Variants in SEMA4A observed in about 807,000 individuals in gnomAD.
The protein encoded by SEMA4A is semaphorin-4A.
SEMA4A carries 52 observed loss-of-function variants against 72.5 expected under a neutral mutation model. The observed-to-expected ratio is 0.72, with a 90% confidence interval of 0.57 to 0.90. The LOEUF (loss-of-function observed/expected upper bound fraction) is 0.90, where lower values mean the gene tolerates loss of function less well. Among genes scored for constraint, SEMA4A ranks in the 40% least tolerant of loss-of-function variants. The pLI is 0.00. For missense variants in SEMA4A, 926 were observed against 959.7 expected (o/e 0.96, Z 0.46); for synonymous variants, 369 against 393.1 (o/e 0.94, Z 0.73).
intron 14 of SEMA4A, 91 bp from the exon 15 acceptor site, chr1:156,176,314 G>T: frequency 1.0e-6 from 1 of 991,724 alleles, no homozygotes. Context: ...AAAAAAAAGA[G>T]GGCTGGGGTC....
Position 156,154,565 on chromosome 1 carries a change from G to A in SEMA4A, c.-14G>A, listed in dbSNP as rs776402889. 16 of 1,607,736 alleles carry A rather than the reference G, an allele frequency of 1.0e-5. No homozygotes were observed. Among genetic ancestry groups the A allele is most frequent in the Non-Finnish European group, 7.6e-6 (9 of 1,179,016 alleles). On this transcript the variant is annotated 5_prime_UTR_variant, in exon 2 of 15. Coordinates refer to ENST00000368285, the MANE Select transcript of SEMA4A (RefSeq NM_022367.4). ...GTTTCCCCAGAGCTCCCTGGTGACA[G>A]TCTGTGGCTGAGCATGGCCCTCCCA...
intron 10 of SEMA4A, among the ~76,000 whole-genome samples, chr1:156,165,419 A>G (rs1654064247): frequency 6.6e-6 from 1 of 151,958 alleles, no homozygotes; most frequent in Admixed American, 6.6e-5. Context: ...AGATTCCTGG[A>G]AAAGGATACA....
At position 156,157,017 on chromosome 1, in the gene SEMA4A, C is replaced by T. The variant is rs930562640; in HGVS notation, c.300+443C>T. Among the ~76,000 whole-genome samples the T allele has an allele frequency of 4.6e-5, 7 of 152,200 alleles. No homozygotes were observed. The highest frequency in any genetic ancestry group is 1.7e-4 in the African/African-American group (7 of 41,550). ...AAAGAGTTGGGATTACAGGCGTGAG[C>T]CACCGCACCCGGCCTGTGACTTCAC... On this transcript the variant is annotated intron_variant, in intron 3 of 14. Coordinates refer to ENST00000368285, the MANE Select transcript of SEMA4A (RefSeq NM_022367.4). The surrounding 1 kb of genome is among the most constrained non-coding windows in gnomAD (Gnocchi z 4.5).
upstream of SEMA4A, among the ~76,000 whole-genome samples, chr1:156,149,332 T>C (rs1182114070): frequency 3.3e-5 from 5 of 152,206 alleles, no homozygotes; most frequent in South Asian, 1.0e-3. Flanking sequence ...TGGAAAGTCC[T>C]GTCTGAAGTC....
At chr1:156,154,840 T>C in intron 2 of SEMA4A, 123 bp downstream of exon 2, 6 of 1,169,638 alleles carry the variant, frequency 5.1e-6, no homozygotes, top group Non-Finnish European at 7.1e-6. Context: ...CAGAGAGAGA[T>C]GCCAGGGAGA....
At chr1:156,169,628 GC>G (rs1157240096) in intron 10 of SEMA4A, among the ~76,000 whole-genome samples, 1 of 150,230 alleles carries the variant, frequency 6.7e-6, no homozygotes, top group Non-Finnish European at 1.5e-5. Context: ...CACTGTGTTA[GC>G]CAGGATGGTC....
Position 156,157,066 on chromosome 1 carries a change from G to T in SEMA4A, c.300+492G>T, listed in dbSNP as rs998046300. Among the ~76,000 whole-genome samples, 1 of 152,092 alleles carries T rather than the reference G, an allele frequency of 6.6e-6. No homozygotes were observed. Among genetic ancestry groups the T allele is most frequent in the Non-Finnish European group, 1.5e-5 (1 of 68,020 alleles). On this transcript the variant is annotated intron_variant, in intron 3 of 14. Transcript: ENST00000368285. The surrounding 1 kb of genome is among the most constrained non-coding windows in gnomAD (Gnocchi z 4.5). ...ACTCTTCACTGGTATTGTGAATAGT[G>T]ATTGAATAATATTAATTGCAAAAAT...
chr1:156,175,859 G>C (rs906367929), intron 14 of SEMA4A, among the ~76,000 whole-genome samples: 27 of 152,216 alleles, frequency 1.8e-4, no homozygotes, highest in African/African-American at 6.5e-4. Flanking sequence ...ATTCAGGATT[G>C]AGGTTGCAGT....
At chr1:156,170,757 A>G (rs930771444) in intron 10 of SEMA4A, among the ~76,000 whole-genome samples, 20 of 151,136 alleles carry the variant, frequency 1.3e-4, no homozygotes, top group Non-Finnish European at 2.5e-4. Flanking sequence ...CCGTCTCAAA[A>G]AAAAAAAAAA....
intron 4 of SEMA4A, 102 bp downstream of exon 4, chr1:156,158,234 G>A: frequency 6.7e-6 from 9 of 1,338,274 alleles, no homozygotes; most frequent in South Asian, 1.2e-5. Context: ...GAGGGCACTT[G>A]TTTGCACGGT....
chr1:156,163,199 A>AC lies in SEMA4A; in HGVS notation c.1134+109dup, dbSNP rs79906447. On this transcript the variant is annotated intron_variant, in intron 10 of 14. Coordinates refer to ENST00000368285, the MANE Select transcript of SEMA4A (RefSeq NM_022367.4). ...TGCCCAATAAATGTTAGTGCTCTCC[A>AC]CCCCACCAATCTCGCCTGCTCAGAC... 399 of 1,313,744 alleles carry AC rather than the reference A, an allele frequency of 3.0e-4. 5 individuals carry two copies. In the East Asian group the frequency reaches 7.9e-3, roughly 26 times the overall value. 81.4% of individuals were successfully genotyped at this position (1,313,744 alleles called of 1,614,324 possible).
chr1:156,174,800 C>T (rs1434014615), intron 11 of SEMA4A, 22 bp from the exon 12 acceptor site: 1 of 1,614,020 alleles, frequency 6.2e-7, no homozygotes, highest in African/African-American at 1.3e-5. Context: ...AGATGACTTC[C>T]ACTCTCTCTG....
intron 6 of SEMA4A, among the ~76,000 whole-genome samples, chr1:156,159,607 G>C (rs752818503): frequency 6.6e-6 from 1 of 151,970 alleles, no homozygotes; most frequent in African/African-American, 2.4e-5. Flanking sequence ...GGTAGTATAG[G>C]AGTTATAAAC....
chr1:156,161,882 G>T (rs1435221264), intron 9 of SEMA4A, among the ~76,000 whole-genome samples: 2 of 152,196 alleles, frequency 1.3e-5, no homozygotes, highest in Non-Finnish European at 1.5e-5. Context: ...TAAGATGTAG[G>T]ATAGTCCCTG....
chr1:156,172,760 C>T lies in SEMA4A; in HGVS notation c.1135-66C>T, dbSNP rs190126157. ...GAGGGGGTAAAGGGAGAAGAGCAGGCGTTGGAGGGAGGGTGAGCTGAGGGG... is the reference window on the plus strand; with the variant it reads ...GAGGGGGTAAAGGGAGAAGAGCAGGTGTTGGAGGGAGGGTGAGCTGAGGGG... On this transcript the variant is annotated intron_variant, in intron 10 of 14. Coordinates refer to ENST00000368285, the MANE Select transcript of SEMA4A (RefSeq NM_022367.4). 8.7e-4 allele frequency: 1,223 copies of T among 1,405,226 alleles called. 10 individuals carry two copies. Among genetic ancestry groups the T allele is most frequent in the African/African-American group, 8.2e-3 (583 of 70,762 alleles). The allele number at this position is 1,405,226 out of a possible 1,614,324, so 87.0% of individuals were successfully genotyped here. A position where few individuals can be genotyped will look rare whatever the true frequency, so the allele number is the denominator to read the frequency against.
chr1:156,166,223 A>C (rs959582024), intron 10 of SEMA4A, among the ~76,000 whole-genome samples: 1 of 151,810 alleles, frequency 6.6e-6, no homozygotes, highest in Non-Finnish European at 1.5e-5. Flanking sequence ...TGGTATTTTT[A>C]GTAGAAACTA....
upstream of SEMA4A, among the ~76,000 whole-genome samples, chr1:156,151,838 CAAAAA>C (rs546304826): frequency 0.039 from 684 of 17,456 alleles, 3 homozygotes; most frequent in African/African-American, 0.089. Context: ...CACTTCGTCT[CAAAAA>C]AAAAAAAAAA....
At chr1:156,152,890 C>A (rs1013810991), upstream of SEMA4A, among the ~76,000 whole-genome samples, 2 of 152,172 alleles carry the variant, frequency 1.3e-5, no homozygotes, top group Admixed American at 6.5e-5. Flanking sequence ...CAGGAACCTA[C>A]CCACTTTGTA....
At chr1:156,149,510 G>C (rs1028010104), upstream of SEMA4A, among the ~76,000 whole-genome samples, 3 of 152,200 alleles carry the variant, frequency 2.0e-5, no homozygotes, top group Non-Finnish European at 4.4e-5. Context: ...GTAAATAGAA[G>C]AGGGCTCCTT....
Sources: allele counts gnomAD v4.1 joint callset (sites outside exome capture counted in the v4.1 genomes callset), GRCh38; gene constraint gnomAD v4.1.1; non-coding constraint Gnocchi (gnomAD v3.1); transcripts MANE v1.5; gene names NCBI Gene and HGNC (gene_info 2026-07-23, HGNC 2026-07-21).